The following GPATCH3 variants were observed in gnomAD, a reference collection of about 807,000 sequenced individuals.
GPATCH3 encodes the protein G-patch domain containing 3.
In GPATCH3, 45 loss-of-function variants were observed where a neutral mutation model predicts 53.2. The ratio of observed to expected loss-of-function variants is 0.85; its 90% confidence interval spans 0.67 to 1.08. The LOEUF (loss-of-function observed/expected upper bound fraction) is 1.08. Ranked by LOEUF, GPATCH3 falls within the 50% of genes least tolerant of loss-of-function variation. The pLI is 0.00. For missense variants in GPATCH3, 680 were observed against 687.2 expected, an observed-to-expected ratio of 0.99 and a Z score of 0.12; for synonymous variants, 280 against 270.6, an observed-to-expected ratio of 1.03 and a Z score of -0.34.
Position 26,894,428 on chromosome 1 carries a change from G to A in GPATCH3, c.877-18C>T, listed in dbSNP as rs374388304. ...TCATCGTCCTAAAAGGCAGGGAGAG[G>A]TGATTTGCCTGAGCTTCCTGACCTC... On this transcript the variant is annotated intron_variant, in intron 2 of 6. Transcript: ENST00000361720. 8.4e-5 allele frequency: 136 copies of A among 1,612,300 alleles called. No homozygotes were observed. The highest frequency in any genetic ancestry group is 1.1e-4 in the Non-Finnish European group (130 of 1,178,832).
chr1:26,894,407 C>G lies in GPATCH3; in HGVS notation c.880G>C (p.Asp294His). The change falls in exon 3 of 7, where the codon GAT becomes CAT. Residue 294 changes from aspartate to histidine, a missense_variant. Coordinates refer to ENST00000361720, the MANE Select transcript of GPATCH3 (RefSeq NM_022078.3). ...CGTTCCCATTCCTCACCCCGGTCAT[C>G]GTCCTAAAAGGCAGGGAGAGGTGAT... is the stretch of plus-strand genomic sequence containing the variant. ...EEEESHSDED[D>H]DRGEEWERHE... 1 of 1,613,742 alleles carries G rather than the reference C, an allele frequency of 6.2e-7. No individual in the cohort carries two copies. Among genetic ancestry groups the G allele is most frequent in the Non-Finnish European group, 8.5e-7 (1 of 1,179,812 alleles).
In GPATCH3 at chr1:26,891,005, C is replaced by A. The variant is rs1358479656; in HGVS notation, c.*5G>T. 1 of 1,613,212 alleles carries A rather than the reference C, an allele frequency of 6.2e-7. No homozygotes were observed. Among genetic ancestry groups the A allele is most frequent in the East Asian group, 2.2e-5 (1 of 44,878 alleles). ...TGTAGCTATGAAAGGAAGCCCCCAA[C>A]CCGGTCAGTCAGGCAATGAGGGGCT... is the stretch of plus-strand genomic sequence containing the variant. On this transcript the variant is annotated 3_prime_UTR_variant, in exon 7 of 7. Transcript: ENST00000361720.
At chr1:26,895,511 C>A (rs1305918659) in intron 2 of GPATCH3, among the ~76,000 whole-genome samples, 1 of 132,674 alleles carries the variant, frequency 7.5e-6, no homozygotes, top group African/African-American at 2.9e-5. Context: ...ACAATAGAAC[C>A]AGAGCCTGCT....
At position 26,890,965 on chromosome 1, in the gene GPATCH3, A is replaced by G. The variant is rs781340687; in HGVS notation, c.*45T>C. 2.9e-5 allele frequency: 45 copies of G among 1,540,472 alleles called. 1 individual carries two copies. In the South Asian group the frequency reaches 4.8e-4, roughly 16 times the overall value. On this transcript the variant is annotated 3_prime_UTR_variant, in exon 7 of 7. Transcript: ENST00000361720. ...CTTCAGTGGTAGATGAGGCCAGGGC[A>G]GAGGGTTTTCATCATGTAGCTATGA...
At position 26,890,753 on chromosome 1, in the gene GPATCH3, G is replaced by C; in HGVS notation, c.*257C>G. 1.4e-6 allele frequency: 1 copy of C among 698,898 alleles called. No homozygotes were observed. Among genetic ancestry groups the C allele is most frequent in the Admixed American group, 1.9e-5 (1 of 53,526 alleles). 43.3% of individuals were successfully genotyped at this position (698,898 alleles called of 1,614,324 possible). A position where few individuals can be genotyped will look rare whatever the true frequency, so the allele number is the denominator to read the frequency against. Reference sequence around the variant, plus strand: ...TTTTCAAAGTTCTGCAGGAGGCAAAGGGCAAGCCCAGAGATTAGGGTTAGA... The same window carrying C: ...TTTTCAAAGTTCTGCAGGAGGCAAACGGCAAGCCCAGAGATTAGGGTTAGA... On this transcript the variant is annotated 3_prime_UTR_variant, in exon 7 of 7. Coordinates refer to ENST00000361720, the MANE Select transcript of GPATCH3 (RefSeq NM_022078.3).
chr1:26,890,811 C>T lies in GPATCH3; in HGVS notation c.*199G>A, dbSNP rs1429227946. 1 of 771,334 alleles carries T rather than the reference C, an allele frequency of 1.3e-6. No individual in the cohort carries two copies. Among genetic ancestry groups the T allele is most frequent in the African/African-American group, 1.7e-5 (1 of 58,986 alleles). 47.8% of individuals were successfully genotyped at this position (771,334 alleles called of 1,614,324 possible). A position where few individuals can be genotyped will look rare whatever the true frequency, so the allele number is the denominator to read the frequency against. ...GACAAGCGGTCGTTACCCCTAATAT[C>T]CAAGGGGAGGGGACGGGAGGGGGCT... is the stretch of plus-strand genomic sequence containing the variant. On this transcript the variant is annotated 3_prime_UTR_variant, in exon 7 of 7. Coordinates refer to ENST00000361720, the MANE Select transcript of GPATCH3 (RefSeq NM_022078.3).
At chr1:26,898,395 G>A (rs1366148870) in intron 1 of GPATCH3, among the ~76,000 whole-genome samples, 2 of 151,908 alleles carry the variant, frequency 1.3e-5, no homozygotes, top group African/African-American at 2.4e-5. Flanking sequence ...TCAGCTCACC[G>A]CAACCTCCGC....
chr1:26,897,154 A>G (rs1331664047), intron 2 of GPATCH3, 147 bp downstream of exon 2: 3 of 683,454 alleles, frequency 4.4e-6, no homozygotes, highest in Non-Finnish European at 5.0e-6. Flanking sequence ...ATGCAAATAT[A>G]GTTTTACATT....
At chr1:26,895,643 CTT>C (rs201034541) in intron 2 of GPATCH3, among the ~76,000 whole-genome samples, 1 of 140,554 alleles carries the variant, frequency 7.1e-6, no homozygotes, top group Admixed American at 7.1e-5. Flanking sequence ...TGGCTGGGAG[CTT>C]TTTTTTTTTT....
intron 2 of GPATCH3, among the ~76,000 whole-genome samples, chr1:26,894,858 T>C (rs2081943835): frequency 6.6e-6 from 1 of 152,164 alleles, no homozygotes; most frequent in East Asian, 1.9e-4. Context: ...ATAATGCTTA[T>C]TGTCTCTGGT....
chr1:26,900,430 CG>C lies in GPATCH3; in HGVS notation c.12del (p.Gly5AlafsTer12). On this transcript the variant is annotated frameshift_variant, in exon 1 of 7. Coordinates refer to ENST00000361720, the MANE Select transcript of GPATCH3 (RefSeq NM_022078.3). LOFTEE classifies it high-confidence loss of function. ...ACTGTCGCCTCCTCCTCCGCCTCGC[CG>C]GGCACCGCCATCTTGGATTGTCACA... MAV[P>X]GEAEEEATVY... The C allele has an allele frequency of 3.7e-6, 6 of 1,608,916 alleles. No homozygotes were observed. The highest frequency in any genetic ancestry group is 5.1e-6 in the Non-Finnish European group (6 of 1,176,634).
chr1:26,893,491 C>G, intron 3 of GPATCH3, 43 bp from the exon 4 acceptor site: 1 of 1,296,484 alleles, frequency 7.7e-7, no homozygotes, highest in Non-Finnish European at 1.1e-6. Flanking sequence ...ATTAAGGACT[C>G]TCAGTTCTAT....
At chr1:26,892,337 AC>A in intron 6 of GPATCH3, 73 bp downstream of exon 6, 1 of 1,558,898 alleles carries the variant, frequency 6.4e-7, no homozygotes, top group Non-Finnish European at 8.8e-7. Flanking sequence ...CCATGCCAAA[AC>A]CAGTGGGAAG....
chr1:26,893,605 C>G (rs920154101), intron 3 of GPATCH3, among the ~76,000 whole-genome samples, 157 bp from the exon 4 acceptor site: 2 of 142,820 alleles, frequency 1.4e-5, no homozygotes, highest in Non-Finnish European at 3.0e-5. Context: ...ACTCCAACCT[C>G]TGCCTCCCGG....
Position 26,897,351 on chromosome 1 carries a change from G to T in GPATCH3, c.826C>A (p.Pro276Thr). The stretch of plus-strand genomic sequence containing the variant: ...TCTTCCTTCCCCACTTCTTCCTCAG[G>T]CTCTCCACAGGGGCTGGCTGGTATA... Reference protein sequence around the residue: ...ADIPASPCGEPEEEVGKEEEE... With the variant: ...ADIPASPCGETEEEVGKEEEE... Residue 276 changes from proline to threonine, a missense_variant, in exon 2 of 7, where the codon CCT becomes ACT. By Grantham distance (38) the Pro-to-Thr change is conservative (BLOSUM62 -1). Transcript: ENST00000361720. 1.2e-6 allele frequency: 2 copies of T among 1,614,128 alleles called. No individual in the cohort carries two copies. Among genetic ancestry groups the T allele is most frequent in the Non-Finnish European group, 1.7e-6 (2 of 1,180,036 alleles).
intron 6 of GPATCH3, among the ~76,000 whole-genome samples, chr1:26,891,455 C>G (rs2081925255): frequency 6.6e-6 from 1 of 151,410 alleles, no homozygotes; most frequent in Non-Finnish European, 1.5e-5. Context: ...TAGTAACCAT[C>G]AAGTCCAAAC....
At chr1:26,893,966 G>A (rs1044313110) in intron 3 of GPATCH3, among the ~76,000 whole-genome samples, 1 of 151,920 alleles carries the variant, frequency 6.6e-6, no homozygotes, top group Admixed American at 6.6e-5. Flanking sequence ...ACAGGCATGA[G>A]CCATTGCACC....
chr1:26,898,673 T>C (rs1430431822), intron 1 of GPATCH3, among the ~76,000 whole-genome samples: 1 of 146,984 alleles, frequency 6.8e-6, no homozygotes, highest in African/African-American at 2.5e-5. Context: ...TTTTTCTTCT[T>C]TTTTTTTTTT....
chr1:26,899,210 G>C (rs2081963873), intron 1 of GPATCH3, among the ~76,000 whole-genome samples: 1 of 152,178 alleles, frequency 6.6e-6, no homozygotes, highest in Non-Finnish European at 1.5e-5. Flanking sequence ...GCCTAGGTTT[G>C]TTGTAGCTCT....
Sources: gnomAD v4.1 joint callset for allele counts (sites outside exome capture counted in the v4.1 genomes callset) on GRCh38, gnomAD v4.1.1 for gene constraint, MANE v1.5 for transcripts, NCBI Gene and HGNC (gene_info 2026-07-23, HGNC 2026-07-21) for gene names.